TAOK1: variants seen among roughly 807,000 people sequenced by gnomAD.
TAOK1 encodes the protein serine/threonine-protein kinase TAO1.
Under a neutral mutation model 138.3 loss-of-function variants are expected in TAOK1, and 21 were observed. The ratio of observed to expected loss-of-function variants is 0.15; its 90% CI spans 0.11 to 0.22. The LOEUF (loss-of-function observed/expected upper bound fraction) is 0.22, where lower values mean the gene tolerates loss of function less well. Among genes scored for constraint, TAOK1 ranks in the 10% least tolerant of loss-of-function variants. The pLI is 1.00. For missense variants in TAOK1, 651 were observed against 1,227.7 expected (o/e 0.53, Z 7.02); for synonymous variants, 361 against 398.4 (o/e 0.91, Z 1.12).
At chr17:29,459,810 T>C (rs1022992624) in intron 2 of TAOK1, among the ~76,000 whole-genome samples, 1 of 152,214 alleles carries the variant, frequency 6.6e-6, no homozygotes, top group Non-Finnish European at 1.5e-5. Context: ...TTCTAGTGTT[T>C]TGGAGAACCT....
At chr17:29,493,766 TA>T (rs1471418130) in intron 10 of TAOK1, among the ~76,000 whole-genome samples, 6 of 152,074 alleles carry the variant, frequency 3.9e-5, no homozygotes, top group East Asian at 3.9e-4. Context: ...AAAAAACTAA[TA>T]AAAAAATTTA....
intron 9 of TAOK1, 47 bp downstream of exon 9, chr17:29,489,804 T>C: frequency 7.5e-7 from 1 of 1,330,198 alleles, no homozygotes; most frequent in Non-Finnish European, 1.0e-6. Flanking sequence ...ATAAATGAAA[T>C]GCTTTTTCAT....
At position 29,548,092 on chromosome 17, in the gene TAOK1, G is replaced by A. The variant is rs1246834137; in HGVS notation, c.*5070G>A. 2 of 152,090 alleles carry A rather than the reference G, an allele frequency of 1.3e-5. No individual in the cohort carries two copies. Among genetic ancestry groups the A allele is most frequent in the Non-Finnish European group, 2.9e-5 (2 of 67,996 alleles). The allele number at this position is 152,090 out of a possible 1,614,324, so 9.4% of individuals were successfully genotyped here. ...CATTTATATTTTCTGCTGAATTCCG[G>A]TAGTTCCCTTTAAAGTCATGTTGAC... On this transcript the variant is annotated 3_prime_UTR_variant, in exon 20 of 20. Transcript: ENST00000261716.
chr17:29,431,701 G>A lies in TAOK1; in HGVS notation c.-94-19754G>A, dbSNP rs777949019. Among the ~76,000 whole-genome samples, 13 of 151,728 alleles carry A rather than the reference G, an allele frequency of 8.6e-5. 1 individual carries two copies. Among genetic ancestry groups the A allele is most frequent in the Admixed American group, 2.0e-4 (3 of 15,212 alleles). ...GTCACCCAGGCTGGAGTGCAATGGC[G>A]CGATCTCAGCTCACTGCAACCTCCG... On this transcript the variant is annotated intron_variant, in intron 1 of 19. Coordinates refer to ENST00000261716, the MANE Select transcript of TAOK1 (RefSeq NM_020791.4).
At chr17:29,520,784 G>T (rs1346188240) in intron 16 of TAOK1, among the ~76,000 whole-genome samples, 4 of 151,618 alleles carry the variant, frequency 2.6e-5, no homozygotes, top group Non-Finnish European at 4.4e-5. Context: ...CCAGCACTTT[G>T]GGAGGCTGAG....
chr17:29,459,438 C>T (rs865991866), intron 2 of TAOK1, among the ~76,000 whole-genome samples: 3 of 151,756 alleles, frequency 2.0e-5, no homozygotes, highest in African/African-American at 7.3e-5. Flanking sequence ...CCCGCCCCCA[C>T]GCCCGGCTGT....
chr17:29,399,295 T>C (rs1031167861), intron 1 of TAOK1, among the ~76,000 whole-genome samples: 2 of 151,858 alleles, frequency 1.3e-5, no homozygotes, highest in Admixed American at 6.6e-5. Context: ...ATTATATAAT[T>C]TTGATTTGAT....
At chr17:29,460,745 CA>C (rs953794856) in intron 2 of TAOK1, among the ~76,000 whole-genome samples, 29 of 152,046 alleles carry the variant, frequency 1.9e-4, no homozygotes, top group African/African-American at 6.0e-4. Context: ...TGGCATGTAT[CA>C]GAGATCGAAG....
chr17:29,485,966 T>G (rs901134141), intron 8 of TAOK1, among the ~76,000 whole-genome samples: 2 of 152,162 alleles, frequency 1.3e-5, no homozygotes, highest in Admixed American at 6.6e-5. Flanking sequence ...CACAAGATAA[T>G]AAGAAATAGT....
chr17:29,393,909 A>T (rs958939982), intron 1 of TAOK1, among the ~76,000 whole-genome samples: 1 of 152,184 alleles, frequency 6.6e-6, no homozygotes, highest in Non-Finnish European at 1.5e-5. Context: ...AGGGCACTGA[A>T]TAGAAAATAA....
intron 8 of TAOK1, 58 bp downstream of exon 8, chr17:29,482,346 T>G: frequency 7.9e-7 from 1 of 1,263,760 alleles, no homozygotes; most frequent in Non-Finnish European, 1.1e-6. Context: ...TACCTCAATT[T>G]CTGTACCAAT....
intron 19 of TAOK1, among the ~76,000 whole-genome samples, chr17:29,534,904 A>G (rs2032194700): frequency 1.3e-5 from 2 of 151,170 alleles, no homozygotes; most frequent in African/African-American, 4.9e-5. Context: ...AGAATCCCCA[A>G]ATTTCCATCC....
chr17:29,467,213 T>C lies in TAOK1; in HGVS notation c.201T>C (p.Thr67=), dbSNP rs1180130748. 6.3e-7 allele frequency: 1 copy of C among 1,591,272 alleles called. No individual in the cohort carries two copies. The highest frequency in any genetic ancestry group is 8.6e-7 in the Non-Finnish European group (1 of 1,164,072). Reference sequence around the variant, plus strand: ...TGTCTTATAGTGGAAAGCAGTCTACTGAGGTAGGTTAAATATGTACATTCT... The same window carrying C: ...TGTCTTATAGTGGAAAGCAGTCTACCGAGGTAGGTTAAATATGTACATTCT... ...KKMSYSGKQS[T]EKWQDIIKEV... Residue 67 remains threonine (T), a synonymous_variant, in exon 3 of 20, where the codon ACT becomes ACC. Coordinates refer to ENST00000261716, the MANE Select transcript of TAOK1 (RefSeq NM_020791.4).
At position 29,475,714 on chromosome 17, in the gene TAOK1, A is replaced by G; in HGVS notation, c.249A>G (p.Ile83Met). The change falls in exon 4 of 20, where the codon ATA becomes ATG. Residue 83 changes from isoleucine (I) to methionine (M), a missense_variant. Coordinates refer to ENST00000261716, the MANE Select transcript of TAOK1 (RefSeq NM_020791.4). ...AGGAAGTCAAGTTTCTACAAAGAAT[A>G]AAACATCCCAACAGTATAGAATACA... ...IIKEVKFLQR[I>M]KHPNSIEYKG... 6.2e-7 allele frequency: 1 copy of G among 1,613,376 alleles called. No individual in the cohort carries two copies. Among genetic ancestry groups the G allele is most frequent in the Non-Finnish European group, 8.5e-7 (1 of 1,179,766 alleles).
chr17:29,430,162 G>A (rs1188573612), intron 1 of TAOK1, among the ~76,000 whole-genome samples: 1 of 152,152 alleles, frequency 6.6e-6, no homozygotes, highest in African/African-American at 2.4e-5. Context: ...AGCAAAGAAA[G>A]AATGAAGTAA....
At chr17:29,426,741 A>C (rs1481448125) in intron 1 of TAOK1, among the ~76,000 whole-genome samples, 1 of 152,134 alleles carries the variant, frequency 6.6e-6, no homozygotes, top group Non-Finnish European at 1.5e-5. Context: ...GGTACATTGT[A>C]TGATTTGTTA....
intron 9 of TAOK1, among the ~76,000 whole-genome samples, chr17:29,491,457 G>A (rs965031907): frequency 1.3e-5 from 2 of 151,872 alleles, no homozygotes; most frequent in Non-Finnish European, 2.9e-5. Context: ...AAAATAGAAA[G>A]GAATGTTATC....
In TAOK1 at chr17:29,469,180, C is replaced by T. The variant is rs577085438; in HGVS notation, c.204+1964C>T. On this transcript the variant is annotated intron_variant, in intron 3 of 19. Transcript: ENST00000261716. ...GTGGATCATTTTGAGCCCAGGAGTTCGAGACCACCCTGGGGAACATAGTGA... is the reference window on the plus strand; with the variant it reads ...GTGGATCATTTTGAGCCCAGGAGTTTGAGACCACCCTGGGGAACATAGTGA... Among the ~76,000 whole-genome samples the T allele has an allele frequency of 1.2e-4, 18 of 151,934 alleles. No homozygotes were observed. In the South Asian group the frequency reaches 2.5e-3, roughly 21 times the overall value.
At chr17:29,405,768 G>A (rs1904973837) in intron 1 of TAOK1, among the ~76,000 whole-genome samples, 1 of 152,164 alleles carries the variant, frequency 6.6e-6, no homozygotes, top group East Asian at 1.9e-4. Context: ...GACAGAGTGA[G>A]ACTCCATCTC....
Sources: allele counts gnomAD v4.1 joint callset (sites outside exome capture counted in the v4.1 genomes callset), GRCh38; gene constraint gnomAD v4.1.1; transcripts MANE v1.5; gene names NCBI Gene and HGNC (gene_info 2026-07-23, HGNC 2026-07-21).